UTS2: variants seen among roughly 807,000 people sequenced by gnomAD.
UTS2 encodes urotensin 2.
In UTS2, 10 loss-of-function variants were observed where a neutral mutation model predicts 12.6. That is an observed-to-expected ratio of 0.80 (90% CI 0.49 to 1.35). The LOEUF (loss-of-function observed/expected upper bound fraction) is 1.35, where lower values mean the gene tolerates loss of function less well. Among genes scored for constraint, UTS2 ranks in the 40% most tolerant of loss-of-function variants. The pLI, the probability that UTS2 is intolerant of heterozygous loss-of-function variation, is 0.00. For missense variants in UTS2, 142 were observed against 143.2 expected, an observed-to-expected ratio of 0.99 and a Z score of 0.04; for synonymous variants, 52 against 50.0, an observed-to-expected ratio of 1.04 and a Z score of -0.17.
chr1:7,902,026 G>A, the UTS2 span, among the ~76,000 whole-genome samples: 4 of 152,294 alleles, frequency 2.6e-5, no homozygotes, highest in African/African-American at 4.8e-5. Context: ...GAGAATGACC[G>A]GGGTGGCTGA....
chr1:7,898,988 G>A, the UTS2 span, among the ~76,000 whole-genome samples: 65,805 of 152,046 alleles, frequency 0.43, 16,467 homozygotes, highest in Non-Finnish European at 0.56. Flanking sequence ...GGCTGTACAG[G>A]AAGCATGGCT....
the UTS2 span, among the ~76,000 whole-genome samples, chr1:7,878,175 C>T: frequency 6.6e-6 from 1 of 152,122 alleles, no homozygotes; most frequent in Non-Finnish European, 1.5e-5. Flanking sequence ...GATACTATAC[C>T]CAGGAAAGCT....
the UTS2 span, among the ~76,000 whole-genome samples, chr1:7,901,463 G>T: frequency 6.6e-6 from 1 of 152,134 alleles, no homozygotes; most frequent in South Asian, 2.1e-4. Flanking sequence ...TACTGTAAAG[G>T]TTTCCATTCA....
chr1:7,849,827 A>G (rs2097412061), intron 2 of UTS2, 144 bp from the exon 3 acceptor site: 1 of 665,078 alleles, frequency 1.5e-6, no homozygotes. Context: ...GAATGCAGAC[A>G]GACAGGCACT....
chr1:7,904,255 C>A, the UTS2 span, among the ~76,000 whole-genome samples: 1 of 150,676 alleles, frequency 6.6e-6, no homozygotes, highest in African/African-American at 2.4e-5. Flanking sequence ...AGCTTGAGCC[C>A]AAGAGTTTGA....
At chr1:7,858,983 C>T in the UTS2 span, among the ~76,000 whole-genome samples, 2 of 152,314 alleles carry the variant, frequency 1.3e-5, no homozygotes, top group Admixed American at 1.3e-4. Context: ...TATTTAAAGC[C>T]TATTCACTGA....
chr1:7,894,712 T>G, the UTS2 span, among the ~76,000 whole-genome samples: 2 of 152,048 alleles, frequency 1.3e-5, no homozygotes, highest in African/African-American at 4.8e-5. Context: ...CCGGGCGCGG[T>G]GGCTCACACC....
chr1:7,875,296 C>T, the UTS2 span, among the ~76,000 whole-genome samples: 1 of 152,098 alleles, frequency 6.6e-6, no homozygotes, highest in Non-Finnish European at 1.5e-5. Context: ...GGATGGTCTC[C>T]ATCTCCTGAC....
At chr1:7,888,658 T>C in the UTS2 span, among the ~76,000 whole-genome samples, 1 of 152,214 alleles carries the variant, frequency 6.6e-6, no homozygotes, top group Non-Finnish European at 1.5e-5. Flanking sequence ...AATTCTGTGC[T>C]CCTACTTCGT....
chr1:7,860,737 A>G, the UTS2 span, among the ~76,000 whole-genome samples: 23,682 of 151,372 alleles, frequency 0.16, 2,407 homozygotes, highest in South Asian at 0.25. Flanking sequence ...GTCGGACTAA[A>G]TTATGTTTAA....
the UTS2 span, among the ~76,000 whole-genome samples, chr1:7,888,888 A>C: frequency 6.6e-6 from 1 of 152,126 alleles, no homozygotes; most frequent in Non-Finnish European, 1.5e-5. Context: ...CTGGCTGAGA[A>C]TCCTGCCCTG....
the UTS2 span, among the ~76,000 whole-genome samples, chr1:7,905,756 G>A: frequency 6.6e-6 from 1 of 152,132 alleles, no homozygotes; most frequent in African/African-American, 2.4e-5. Context: ...TTTCTTCCTT[G>A]GTGAATTGTT....
upstream of UTS2, among the ~76,000 whole-genome samples, chr1:7,854,198 G>A (rs1437745102): frequency 2.0e-5 from 3 of 152,054 alleles, no homozygotes; most frequent in Non-Finnish European, 4.4e-5. Flanking sequence ...ACAAAAATTA[G>A]CCAGGCATGG....
At chr1:7,848,609 C>T (rs2097410352) in intron 3 of UTS2, among the ~76,000 whole-genome samples, 1 of 152,072 alleles carries the variant, frequency 6.6e-6, no homozygotes, top group African/African-American at 2.4e-5. Context: ...CAACCCCCGC[C>T]TCCAGGTTCA....
At chr1:7,870,260 A>G in the UTS2 span, among the ~76,000 whole-genome samples, 1 of 152,166 alleles carries the variant, frequency 6.6e-6, no homozygotes. Flanking sequence ...TAGAGAGAAG[A>G]TGAGGACACA....
intron 2 of UTS2, among the ~76,000 whole-genome samples, chr1:7,850,193 C>CT (rs1233759006): frequency 1.3e-5 from 2 of 152,062 alleles, no homozygotes; most frequent in African/African-American, 2.4e-5. Context: ...TGGTCCTAAA[C>CT]TCCTGACTTC....
At chr1:7,885,103 G>GCATC in the UTS2 span, among the ~76,000 whole-genome samples, 1 of 139,918 alleles carries the variant, frequency 7.1e-6, no homozygotes, top group South Asian at 2.3e-4. Flanking sequence ...CATCATCCAT[G>GCATC]CATCCATTCA....
At chr1:7,888,411 G>A in the UTS2 span, among the ~76,000 whole-genome samples, 2 of 151,548 alleles carry the variant, frequency 1.3e-5, no homozygotes, top group African/African-American at 4.8e-5. Context: ...CCAGAGTCCA[G>A]GTTCAACCTC....
chr1:7,877,400 G>T, the UTS2 span, among the ~76,000 whole-genome samples: 1 of 151,932 alleles, frequency 6.6e-6, no homozygotes, highest in African/African-American at 2.4e-5. Context: ...CAACAAAATA[G>T]ATATCATAAA....
Sources: gnomAD v4.1 joint callset for allele counts (sites outside exome capture counted in the v4.1 genomes callset) on GRCh38, gnomAD v4.1.1 for gene constraint, MANE v1.5 for transcripts, NCBI Gene and HGNC (gene_info 2026-07-23, HGNC 2026-07-21) for gene names.